SUCO: variants seen among roughly 807,000 people sequenced by gnomAD.
SUCO encodes the protein SUN domain containing ossification factor, also known as SUN domain-containing ossification factor.
A neutral mutation model predicts 148.1 loss-of-function variants in SUCO; 57 were observed. That is an observed-to-expected ratio of 0.38 (90% CI 0.31 to 0.48). The LOEUF is 0.48. Among genes scored for constraint, SUCO ranks in the 20% least tolerant of loss-of-function variants. SUCO has a pLI of 0.96. For synonymous variants in SUCO, 470 were observed against 502.7 expected, an observed-to-expected ratio of 0.93 and a Z score of 0.87; for missense variants, 1,331 against 1,468.2, an observed-to-expected ratio of 0.91 and a Z score of 1.53.
chr1:172,540,844 G>T (rs1388842330), intron 1 of SUCO, among the ~76,000 whole-genome samples: 1 of 152,174 alleles, frequency 6.6e-6, no homozygotes, highest in Admixed American at 6.6e-5. Flanking sequence ...TAATCTAGTT[G>T]ATATGGGTAA....
chr1:172,544,119 A>G (rs1652696289), intron 1 of SUCO: 6 of 962,566 alleles, frequency 6.2e-6, no homozygotes, highest in Non-Finnish European at 7.4e-6. Context: ...TTCAAAAACT[A>G]CAATTTTCAC....
chr1:172,600,114 C>T lies in SUCO; in HGVS notation c.2964C>T (p.Asn988=), dbSNP rs1164816254. The T allele has an allele frequency of 1.2e-6, 2 of 1,611,282 alleles. No individual in the cohort carries two copies. The highest frequency in any genetic ancestry group is 2.2e-5 in the South Asian group (2 of 90,266). ...AIQLLQAQLT[N]MTQLVSNLSA... ...AGTTGCTACAGGCACAGCTGACCAA[C>T]ATGACACAGCTTGTTTCAAATTTAT... The change falls in exon 20 of 24, where the codon AAC becomes AAT. Residue 988 remains asparagine, a synonymous_variant. Coordinates refer to ENST00000263688, the MANE Select transcript of SUCO (RefSeq NM_014283.5).
intron 18 of SUCO, chr1:172,590,329 G>A (rs1656561430): frequency 1.0e-6 from 1 of 985,104 alleles, no homozygotes; most frequent in Non-Finnish European, 1.2e-6. Flanking sequence ...GTTTAGATAA[G>A]TGAAGACAGA....
Position 172,610,208 on chromosome 1 carries a change from A to T in SUCO, c.3714A>T (p.Lys1238Asn). ...TGCATGACATAATCAAAGGAAACAA[A>T]GAGATCACCGTGGGAACATTTGGTG... ...PSLHDIIKGN[K>N]EITVGTFGVT... The change falls in exon 24 of 24, where the codon AAA becomes AAT. Residue 1238 changes from lysine to asparagine, a missense_variant. Lys to Asn is a moderately conservative substitution (Grantham distance 94). Transcript: ENST00000263688. 1 of 1,611,644 alleles carries T rather than the reference A, an allele frequency of 6.2e-7. No individual in the cohort carries two copies. The highest frequency in any genetic ancestry group is 1.1e-5 in the South Asian group (1 of 90,600).
At chr1:172,606,284 T>TA (rs60833763) in intron 22 of SUCO, among the ~76,000 whole-genome samples, 90,167 of 150,916 alleles carry the variant, frequency 0.6, 27,459 homozygotes, top group African/African-American at 0.7. Context: ...TTTTAATTTT[T>TA]TTTTTTTTTC....
upstream of SUCO, chr1:172,532,480 G>T: frequency 6.2e-7 from 1 of 1,612,334 alleles, no homozygotes; most frequent in Non-Finnish European, 8.5e-7. Context: ...CAGATGAGAG[G>T]ATTCTTGGCA....
chr1:172,535,067 A>G (rs1165295641), intron 1 of SUCO, among the ~76,000 whole-genome samples: 2 of 152,186 alleles, frequency 1.3e-5, no homozygotes, highest in Non-Finnish European at 2.9e-5. Flanking sequence ...TCTTTTGGGA[A>G]TTTCTGGCTA....
Position 172,589,308 on chromosome 1 carries a change from A to G in SUCO, c.2207A>G (p.Asp736Gly). 6.2e-7 allele frequency: 1 copy of G among 1,613,472 alleles called. No individual in the cohort carries two copies. The highest frequency in any genetic ancestry group is 8.5e-7 in the Non-Finnish European group (1 of 1,179,750). Residue 736 changes from aspartate (D) to glycine (G), a missense_variant, in exon 18 of 24, where the codon GAT becomes GGT. Physicochemically the swap from Asp to Gly is moderately conservative, Grantham distance 94. This residue lies in a region of SUCO where 992 missense variants were observed against 1,093.5 expected (regional missense o/e 0.91). Coordinates refer to ENST00000263688, the MANE Select transcript of SUCO (RefSeq NM_014283.5). ...ACTCTTTCTCAGTCTCTTCTTTTAG[A>G]TATTACCCCAGAAATCAATCCCTTG... Reference protein sequence around the residue: ...SQTLSQSLLLDITPEINPLPK... With the variant: ...SQTLSQSLLLGITPEINPLPK...
intron 15 of SUCO, among the ~76,000 whole-genome samples, chr1:172,579,616 A>G (rs551487386): frequency 1.3e-5 from 2 of 152,238 alleles, no homozygotes; most frequent in African/African-American, 4.8e-5. Flanking sequence ...TTAGTTTGCC[A>G]TTTAGTTACA....
chr1:172,532,929 C>T (rs1651696340), upstream of SUCO: 5 of 1,369,276 alleles, frequency 3.7e-6, no homozygotes, highest in Admixed American at 1.4e-4. Flanking sequence ...TTTGTGGTCT[C>T]CTGCCTCCGG....
Position 172,564,619 on chromosome 1 carries a change from T to C in SUCO, c.733-4400T>C, listed in dbSNP as rs890260557. ...ATTCAGTTAAACTTTTTTTTTTTTTTCATAAATTACCCAATCTCAGGTTGT... is the reference window on the plus strand; with the variant it reads ...ATTCAGTTAAACTTTTTTTTTTTTTCCATAAATTACCCAATCTCAGGTTGT... On this transcript the variant is annotated intron_variant, in intron 6 of 23. Coordinates refer to ENST00000263688, the MANE Select transcript of SUCO (RefSeq NM_014283.5). Among the ~76,000 whole-genome samples, 8 of 151,336 alleles carry C rather than the reference T, an allele frequency of 5.3e-5. No individual in the cohort carries two copies. The East Asian group carries it at 7.7e-4, about 15-fold the overall frequency.
chr1:172,601,526 A>C (rs1013704353), intron 20 of SUCO, among the ~76,000 whole-genome samples: 1 of 151,972 alleles, frequency 6.6e-6, no homozygotes, highest in African/African-American at 2.4e-5. Context: ...TAATTGCAGT[A>C]GCCTGAATGA....
rs374535038 is a variant in SUCO at position 172,610,165 on chromosome 1, C to T, written c.3671C>T (p.Ser1224Leu). 3.1e-6 allele frequency: 5 copies of T among 1,613,484 alleles called. No individual in the cohort carries two copies. The highest frequency in any genetic ancestry group is 3.4e-6 in the Non-Finnish European group (4 of 1,179,794). Reference protein sequence around the residue: ...KLIKTLIQTKSGSLPSLHDII... With the variant: ...KLIKTLIQTKLGSLPSLHDII... ...ATAAAAACTCTAATACAGACTAAGTCGGGATCATTGCCGAGCCTGCATGAC... is the reference window on the plus strand; with the variant it reads ...ATAAAAACTCTAATACAGACTAAGTTGGGATCATTGCCGAGCCTGCATGAC... The change falls in exon 24 of 24, where the codon TCG becomes TTG. Residue 1224 changes from serine (S) to leucine (L), a missense_variant. This residue lies in a region of SUCO where 334 missense variants were observed against 352.3 expected (regional missense o/e 0.95). Transcript: ENST00000263688.
At chr1:172,586,497 C>CT (rs745435998) in intron 17 of SUCO, among the ~76,000 whole-genome samples, 10 of 151,998 alleles carry the variant, frequency 6.6e-5, no homozygotes, top group Non-Finnish European at 1.5e-4. Context: ...TATCTTTTAC[C>CT]TTTTTTGTCT....
upstream of SUCO, chr1:172,532,446 G>C: frequency 6.4e-7 from 1 of 1,568,538 alleles, no homozygotes; most frequent in South Asian, 1.2e-5. Flanking sequence ...AAGAAAAAGC[G>C]AAAGGTTTTC....
chr1:172,597,275 A>C (rs1350292899), intron 19 of SUCO, among the ~76,000 whole-genome samples: 1 of 152,068 alleles, frequency 6.6e-6, no homozygotes, highest in Non-Finnish European at 1.5e-5. Flanking sequence ...CTCACACTCC[A>C]TGGGCTGCAC....
intron 19 of SUCO, among the ~76,000 whole-genome samples, chr1:172,598,086 C>T (rs371529420): frequency 6.6e-6 from 1 of 152,124 alleles, no homozygotes; most frequent in African/African-American, 2.4e-5. Context: ...GCCCATGATT[C>T]ATTTTGAGTT....
At chr1:172,583,917 G>A (rs1656056485) in intron 15 of SUCO, among the ~76,000 whole-genome samples, 1 of 152,156 alleles carries the variant, frequency 6.6e-6, no homozygotes, top group Non-Finnish European at 1.5e-5. Flanking sequence ...TGTAGATATT[G>A]AGGTTTGTAC....
chr1:172,591,044 G>A lies in SUCO; in HGVS notation c.2886G>A (p.Gln962=). Residue 962 remains glutamine (Q), a synonymous_variant, in exon 19 of 24, where the codon CAG becomes CAA. Coordinates refer to ENST00000263688, the MANE Select transcript of SUCO (RefSeq NM_014283.5). ...KAFNKTIVKL[Q]NTSRIAEEQD... ...TCAATAAAACAATCGTGAAACTTCA[G>A]AATACTTCAAGAATAGCAGAGGAGC... 1.9e-6 allele frequency: 3 copies of A among 1,611,976 alleles called. No homozygotes were observed. The highest frequency in any genetic ancestry group is 1.1e-5 in the South Asian group (1 of 90,674).
Sources: allele counts gnomAD v4.1 joint callset (sites outside exome capture counted in the v4.1 genomes callset), GRCh38; gene constraint gnomAD v4.1.1; regional missense constraint gnomAD v4.1.1; transcripts MANE v1.5; gene names NCBI Gene and HGNC (gene_info 2026-07-23, HGNC 2026-07-21).